CASZ1: variants seen among roughly 807,000 people sequenced by gnomAD.
CASZ1 encodes castor zinc finger 1.
In CASZ1, 28 loss-of-function variants were observed where a neutral mutation model predicts 135.2. The ratio of observed to expected loss-of-function variants is 0.21; its 90% CI spans 0.15 to 0.28. The LOEUF is 0.28. CASZ1 is among the 10% of genes least tolerant of loss of function. CASZ1 has a pLI of 1.00. For missense variants in CASZ1, 2,161 were observed against 2,453.3 expected (o/e 0.88, Z 2.52); for synonymous variants, 1,068 against 1,073.4 (o/e 0.99, Z 0.10).
rs987830924 is a variant in CASZ1 at position 10,642,774 on chromosome 1, G to A, written c.4162+85C>T. ...TCCTCCTCGGAGGCCGCGTGCCCCG[G>A]ACCTTCTGTCCCAAGCTGCACCCAG... is the stretch of plus-strand genomic sequence containing the variant. On this transcript the variant is annotated intron_variant, in intron 20 of 20. Coordinates refer to ENST00000377022, the MANE Select transcript of CASZ1 (RefSeq NM_001079843.3). 2.3e-5 allele frequency: 35 copies of A among 1,491,268 alleles called. No homozygotes were observed. The African/African-American group carries it at 4.2e-4, about 18-fold the overall frequency. 92.4% of individuals were successfully genotyped at this position (1,491,268 alleles called of 1,614,324 possible). A position where few individuals can be genotyped will look rare whatever the true frequency, so the allele number is the denominator to read the frequency against.
At chr1:10,675,618 G>A (rs1488899592) in intron 4 of CASZ1, among the ~76,000 whole-genome samples, 1 of 152,156 alleles carries the variant, frequency 6.6e-6, no homozygotes, top group Non-Finnish European at 1.5e-5. Flanking sequence ...GGCATTAGGA[G>A]ACCCTGCAGT....
rs999717893 is a variant in CASZ1 at position 10,739,397 on chromosome 1, A to T, written c.-77+21304T>A. Among the ~76,000 whole-genome samples the T allele has an allele frequency of 1.3e-5, 2 of 151,942 alleles. No homozygotes were observed. Among genetic ancestry groups the T allele is most frequent in the Non-Finnish European group, 2.9e-5 (2 of 67,944 alleles). Reference sequence around the variant, plus strand: ...GGTGGCCACGGTGAGGAGGAGGAGGACCACATGCGCAGGGAAGGGCATGGG... The same window carrying T: ...GGTGGCCACGGTGAGGAGGAGGAGGTCCACATGCGCAGGGAAGGGCATGGG... On this transcript the variant is annotated intron_variant, in intron 2 of 20. Transcript: ENST00000377022. The surrounding 1 kb of genome is among the most constrained non-coding windows in gnomAD (Gnocchi z 4.8).
rs746986145 is a variant in CASZ1 at position 10,647,898 on chromosome 1, C to T, written c.3400G>A (p.Ala1134Thr). The T allele has an allele frequency of 6.2e-7, 1 of 1,613,778 alleles. No homozygotes were observed. The highest frequency in any genetic ancestry group is 8.5e-7 in the Non-Finnish European group (1 of 1,179,996). ...GAGGCGGGCAGGTGAGGCACTGACG[C>T]TGGGATCTGAGGCATCTGGGGTATG... is the stretch of plus-strand genomic sequence containing the variant. ...STIPQMPQIPASVPHLPASPL... is the reference protein window; with the variant it reads ...STIPQMPQIPTSVPHLPASPL... The change falls in exon 16 of 21, where the codon GCG (alanine) becomes ACG (threonine). Residue 1134 changes from alanine (A) to threonine (T), a missense_variant. Around this residue, in one of 7 missense-constraint regions of CASZ1, gnomAD observed 349 missense variants for 460.8 expected, o/e 0.76. Transcript: ENST00000377022. This position sits in a 1 kb window ranked among gnomAD's most constrained non-coding sequence, Gnocchi z 4.9.
intron 2 of CASZ1, among the ~76,000 whole-genome samples, chr1:10,744,138 G>A (rs1639991879): frequency 6.6e-6 from 1 of 151,700 alleles, no homozygotes; most frequent in African/African-American, 2.4e-5. Context: ...CCTGATTTTA[G>A]ATAAAGTTGC....
chr1:10,671,722 AG>A (rs1179385468), intron 4 of CASZ1, among the ~76,000 whole-genome samples: 5 of 152,186 alleles, frequency 3.3e-5, no homozygotes, highest in African/African-American at 7.2e-5. Flanking sequence ...GGGCCACCGC[AG>A]CGGAGCATGA....
rs974126358 is a variant in CASZ1 at position 10,706,209 on chromosome 1, G to C, written c.-76-665C>G. 2.0e-5 allele frequency among the ~76,000 whole-genome samples: 3 copies of C among 152,222 alleles called. No individual in the cohort carries two copies. The highest frequency in any genetic ancestry group is 7.2e-5 in the African/African-American group (3 of 41,472). On this transcript the variant is annotated intron_variant, in intron 2 of 20. Transcript: ENST00000377022. The surrounding 1 kb of genome is among the most constrained non-coding windows in gnomAD (Gnocchi z 4.3). ...GGGACGATGGTCAGACAACGTGGAG[G>C]CTTTAACCAACACGCGGCCTGGCCC... is the stretch of plus-strand genomic sequence containing the variant.
rs1344864000 is a variant in CASZ1, at chr1:10,638,885, C to A, written c.*57G>T. The A allele has an allele frequency of 3.1e-6, 3 of 980,540 alleles. No homozygotes were observed. Among genetic ancestry groups the A allele is most frequent in the African/African-American group, 3.5e-5 (2 of 56,404 alleles). 60.7% of individuals were successfully genotyped at this position (980,540 alleles called of 1,614,324 possible). ...TGCCCAGGGGCCGCTTCGCGCGGGG[C>A]GGCGCCGCTCCCGAGGCCGAGGCCG... On this transcript the variant is annotated 3_prime_UTR_variant, in exon 21 of 21. Transcript: ENST00000377022. This position sits in a 1 kb window ranked among gnomAD's most constrained non-coding sequence, Gnocchi z 5.9.
chr1:10,647,612 G>A lies in CASZ1; in HGVS notation c.3497+189C>T, dbSNP rs1642403421. The A allele has an allele frequency of 6.9e-7, 1 of 1,448,366 alleles. No homozygotes were observed. Among genetic ancestry groups the A allele is most frequent in the East Asian group, 2.5e-5 (1 of 39,946 alleles). The allele number at this position is 1,448,366 out of a possible 1,614,324, so 89.7% of individuals were successfully genotyped here. On this transcript the variant is annotated intron_variant, in intron 16 of 20. Coordinates refer to ENST00000377022, the MANE Select transcript of CASZ1 (RefSeq NM_001079843.3). This position sits in a 1 kb window ranked among gnomAD's most constrained non-coding sequence, Gnocchi z 4.9. The stretch of plus-strand genomic sequence containing the variant: ...CGGCCCACGCGGGCTGGCCTGCTCT[G>A]GGACAGGCAGTGAGGTAGGAGCAGC...
Position 10,649,287 on chromosome 1 carries a change from G to A in CASZ1, c.3031C>T (p.Arg1011Cys), listed in dbSNP as rs1557463854. Residue 1011 changes from arginine (R) to cysteine (C), a missense_variant, in exon 14 of 21, where the codon CGC becomes TGC. Transcript: ENST00000377022. ...KLAEPWKVYL[R>C]RFGTKDFCDG... The stretch of plus-strand genomic sequence containing the variant: ...ACGCGGCCAGCAGCCCCTCACCTGC[G>A]CAGGTACACCTTCCAGGGCTCTGCC... 3.8e-6 allele frequency: 6 copies of A among 1,599,316 alleles called. No homozygotes were observed. The highest frequency in any genetic ancestry group is 2.3e-5 in the East Asian group (1 of 44,228).
chr1:10,712,238 C>T (rs955383637), intron 2 of CASZ1, among the ~76,000 whole-genome samples: 7 of 152,058 alleles, frequency 4.6e-5, no homozygotes, highest in African/African-American at 1.2e-4. Flanking sequence ...CCCAGCTACT[C>T]GGGAGGCTGA....
rs1382466525 is a variant in CASZ1 at position 10,735,291 on chromosome 1, G to C, written c.-77+25410C>G. On this transcript the variant is annotated intron_variant, in intron 2 of 20. Transcript: ENST00000377022. The surrounding 1 kb of genome is among the most constrained non-coding windows in gnomAD (Gnocchi z 5.1). Reference sequence around the variant, plus strand: ...TCATATTTTCTGCATAAATTATAGGGGTTGATTAGACCGGGGCTCTGGGAG... The same window carrying C: ...TCATATTTTCTGCATAAATTATAGGCGTTGATTAGACCGGGGCTCTGGGAG... Among the ~76,000 whole-genome samples, 2 of 152,182 alleles carry C rather than the reference G, an allele frequency of 1.3e-5. No individual in the cohort carries two copies. The highest frequency in any genetic ancestry group is 2.9e-5 in the Non-Finnish European group (2 of 68,040).
In CASZ1 at chr1:10,725,405, C is replaced by G. The variant is rs978504785; in HGVS notation, c.-76-19861G>C. On this transcript the variant is annotated intron_variant, in intron 2 of 20. Transcript: ENST00000377022. The surrounding 1 kb of genome is among the most constrained non-coding windows in gnomAD (Gnocchi z 4.4). ...ACTGAGCCATATGGTTCCAGTTAAGCTCCATATTTTTCCTTGTCGATTGAA... is the reference window on the plus strand; with the variant it reads ...ACTGAGCCATATGGTTCCAGTTAAGGTCCATATTTTTCCTTGTCGATTGAA... Among the ~76,000 whole-genome samples, 2 of 151,064 alleles carry G rather than the reference C, an allele frequency of 1.3e-5. No individual in the cohort carries two copies. The highest frequency in any genetic ancestry group is 4.8e-5 in the African/African-American group (2 of 41,258).
intron 2 of CASZ1, among the ~76,000 whole-genome samples, chr1:10,728,658 T>C (rs1359702410): frequency 6.6e-6 from 1 of 152,044 alleles, no homozygotes; most frequent in African/African-American, 2.4e-5. Flanking sequence ...TGAGGGGTGA[T>C]TGACGGGGGT....
At chr1:10,649,612 G>C (rs1052738521) in intron 13 of CASZ1, 175 bp from the exon 14 acceptor site, 2 of 716,002 alleles carry the variant, frequency 2.8e-6, no homozygotes, top group Admixed American at 2.9e-5. Context: ...TCTGAACAGA[G>C]AGCCTGCTGT....
chr1:10,790,968 T>A (rs1241097112), intron 1 of CASZ1, among the ~76,000 whole-genome samples: 3 of 151,982 alleles, frequency 2.0e-5, no homozygotes, highest in Non-Finnish European at 2.9e-5. Flanking sequence ...AAAGGTGATT[T>A]TTTTTTTAAA....
rs1642089934 is a variant in CASZ1 at position 10,638,972 on chromosome 1, G to A, written c.5250C>T (p.Gly1750=). Residue 1750 remains glycine, a synonymous_variant, in exon 21 of 21, where the codon GGC becomes GGT. Transcript: ENST00000377022. This position sits in a 1 kb window ranked among gnomAD's most constrained non-coding sequence, Gnocchi z 5.9. ...GCGAGGAGGCTGCAGTGGGCGCGGGGCCGGGGGCGCCCAGGGCCGCCAGCG... is the reference window on the plus strand; with the variant it reads ...GCGAGGAGGCTGCAGTGGGCGCGGGACCGGGGGCGCCCAGGGCCGCCAGCG... ...LAALAALGAP[G]PAPTAASSP is the part of the protein sequence containing the mutation. 2 of 981,356 alleles carry A rather than the reference G, an allele frequency of 2.0e-6. No homozygotes were observed. The highest frequency in any genetic ancestry group is 2.4e-6 in the Non-Finnish European group (2 of 828,652). 60.8% of individuals were successfully genotyped at this position (981,356 alleles called of 1,614,324 possible).
chr1:10,740,682 C>T (rs943525795), intron 2 of CASZ1, among the ~76,000 whole-genome samples: 2 of 152,186 alleles, frequency 1.3e-5, no homozygotes, highest in African/African-American at 4.8e-5. Context: ...GGCACAATCG[C>T]TCATGCCTGT....
chr1:10,753,548 A>G (rs1449190264), intron 2 of CASZ1, among the ~76,000 whole-genome samples: 1 of 152,224 alleles, frequency 6.6e-6, no homozygotes, highest in East Asian at 1.9e-4. Context: ...TTAATTAGCT[A>G]AAGCGGATCG....
At position 10,648,105 on chromosome 1, in the gene CASZ1, CT is replaced by C; in HGVS notation, c.3192del (p.Gly1065GlufsTer85). The C allele has an allele frequency of 6.4e-7, 1 of 1,554,470 alleles. No homozygotes were observed. On this transcript the variant is annotated frameshift_variant, in exon 16 of 21. Coordinates refer to ENST00000377022, the MANE Select transcript of CASZ1 (RefSeq NM_001079843.3). LOFTEE classifies it high-confidence loss of function. ...FHFRTEGGAA[K>X]GNTEAAFPAS... ...GCCGGAAAGGCAGCCTCTGTGTTTC[CT>C]TTTGCTGCTCCTCCCTCTGTCCGGA...
Sources: gnomAD v4.1 joint callset for allele counts (sites outside exome capture counted in the v4.1 genomes callset) on GRCh38, gnomAD v4.1.1 for gene constraint, gnomAD v4.1.1 regional missense constraint, Gnocchi (gnomAD v3.1) non-coding constraint, MANE v1.5 for transcripts, NCBI Gene and HGNC (gene_info 2026-07-23, HGNC 2026-07-21) for gene names.